Variants in ACAN observed in about 807,000 individuals in gnomAD.
The protein encoded by ACAN is aggrecan.
A neutral mutation model predicts 169.1 loss-of-function variants in ACAN; 47 were observed. The ratio of observed to expected loss-of-function variants is 0.28; its 90% CI spans 0.22 to 0.35. ACAN has a LOEUF of 0.35. Ranked by LOEUF, ACAN falls within the 10% of genes least tolerant of loss-of-function variation. ACAN has a pLI of 1.00. For synonymous variants in ACAN, 1,115 were observed against 1,112.2 expected (o/e 1.00, Z -0.05); for missense variants, 2,716 against 2,759.9 (o/e 0.98, Z 0.36).
At position 88,807,980 on chromosome 15, in the gene ACAN, G is replaced by T. The variant is rs567915322; in HGVS notation, c.-8+4171G>T. 6.6e-6 allele frequency among the ~76,000 whole-genome samples: 1 copy of T among 152,280 alleles called. No individual in the cohort carries two copies. Among genetic ancestry groups the T allele is most frequent in the East Asian group, 1.9e-4 (1 of 5,170 alleles). ...TGAGGTTACATGTTTTTCCTCTTAA[G>T]ATACACACTCAAAAAAGGAGCCACC... On this transcript the variant is annotated intron_variant, in intron 1 of 18. Transcript: ENST00000560601. This position sits in a 1 kb window ranked among gnomAD's most constrained non-coding sequence, Gnocchi z 4.0.
chr15:88,872,361 G>T lies in ACAN; in HGVS notation c.7302+276G>T, dbSNP rs1372783911. Among the ~76,000 whole-genome samples, 1 of 152,176 alleles carries T rather than the reference G, an allele frequency of 6.6e-6. No homozygotes were observed. Among genetic ancestry groups the T allele is most frequent in the African/African-American group, 2.4e-5 (1 of 41,438 alleles). ...AGGAGTATACGGAAGCTTTAGAGAGGTTTCTTGCCCACACTGAACTCGAGT... is the reference window on the plus strand; with the variant it reads ...AGGAGTATACGGAAGCTTTAGAGAGTTTTCTTGCCCACACTGAACTCGAGT... On this transcript the variant is annotated intron_variant, in intron 16 of 18. Coordinates refer to ENST00000560601, the MANE Select transcript of ACAN (RefSeq NM_001369268.1). The surrounding 1 kb of genome is among the most constrained non-coding windows in gnomAD (Gnocchi z 5.4).
In ACAN at chr15:88,868,133, T is replaced by C; in HGVS notation, c.6947-83T>C. On this transcript the variant is annotated intron_variant, in intron 13 of 18. Coordinates refer to ENST00000560601, the MANE Select transcript of ACAN (RefSeq NM_001369268.1). This position sits in a 1 kb window ranked among gnomAD's most constrained non-coding sequence, Gnocchi z 5.2. ...CCAGGGGTCTGGAGAGCAGCAGGAC[T>C]GGCCACTCAAAAGGAGGCCACAGTG... The C allele has an allele frequency of 1.5e-6, 1 of 660,030 alleles. No homozygotes were observed. 40.9% of individuals were successfully genotyped at this position (660,030 alleles called of 1,614,324 possible).
chr15:88,825,968 G>T (rs530372503), intron 1 of ACAN, among the ~76,000 whole-genome samples: 2 of 152,166 alleles, frequency 1.3e-5, no homozygotes, highest in African/African-American at 4.8e-5. Context: ...AAACAGCTCC[G>T]TGGGCTGATT....
intron 5 of ACAN, among the ~76,000 whole-genome samples, chr15:88,842,518 TCCCCC>T (rs1264867155): frequency 2.9e-5 from 1 of 34,760 alleles, no homozygotes; most frequent in Non-Finnish European, 8.1e-5. Context: ...CCATCCCCCC[TCCCCC>T]CTACCTGAGC....
At chr15:88,820,473 T>C (rs1326979340) in intron 1 of ACAN, among the ~76,000 whole-genome samples, 1 of 152,196 alleles carries the variant, frequency 6.6e-6, no homozygotes, top group Non-Finnish European at 1.5e-5. Context: ...AGCCCAATCT[T>C]GGAGGCCTCT....
rs551628218 is a variant in ACAN, at chr15:88,821,128, A to G, written c.-7-15072A>G. Among the ~76,000 whole-genome samples the G allele has an allele frequency of 1.1e-4, 16 of 152,288 alleles. 1 individual carries two copies. In the South Asian group the frequency reaches 1.7e-3, roughly 16 times the overall value. ...TACCTCCCACTGGGTCCCTCCCATG[A>G]TATATGGGAATTATGGGAACTACAA... On this transcript the variant is annotated intron_variant, in intron 1 of 18. Transcript: ENST00000560601.
In ACAN at chr15:88,845,421, C is replaced by T. The variant is rs532846621; in HGVS notation, c.1052-84C>T. 22 of 1,507,354 alleles carry T rather than the reference C, an allele frequency of 1.5e-5. No individual in the cohort carries two copies. The African/African-American group carries it at 2.4e-4, about 16-fold the overall frequency. The allele number at this position is 1,507,354 out of a possible 1,614,324, so 93.4% of individuals were successfully genotyped here. On this transcript the variant is annotated intron_variant, in intron 6 of 18. Coordinates refer to ENST00000560601, the MANE Select transcript of ACAN (RefSeq NM_001369268.1). Reference sequence around the variant, plus strand: ...GCCCCAGCAGGGAAGGAGGGGGAGCCATGCTCATCTCCAGCCCACTCCTCA... The same window carrying T: ...GCCCCAGCAGGGAAGGAGGGGGAGCTATGCTCATCTCCAGCCCACTCCTCA...
chr15:88,836,667 A>G (rs1459043924), intron 2 of ACAN, among the ~76,000 whole-genome samples: 1 of 152,236 alleles, frequency 6.6e-6, no homozygotes, highest in African/African-American at 2.4e-5. Context: ...CTGGAGCACC[A>G]AAGAAGAAAG....
At chr15:88,840,786 T>TAAG (rs1896632252) in intron 4 of ACAN, among the ~76,000 whole-genome samples, 1 of 136,338 alleles carries the variant, frequency 7.3e-6, no homozygotes, top group African/African-American at 2.6e-5. Context: ...ACTATAGCCA[T>TAAG]AAAAAAAAAA....
intron 1 of ACAN, among the ~76,000 whole-genome samples, chr15:88,822,856 G>C (rs1388645627): frequency 6.6e-6 from 1 of 152,144 alleles, no homozygotes; most frequent in Non-Finnish European, 1.5e-5. Context: ...CCTTTGACTA[G>C]ATCCAAGGAC....
chr15:88,844,603 C>T (rs1278900589), intron 6 of ACAN, among the ~76,000 whole-genome samples: 3 of 152,076 alleles, frequency 2.0e-5, no homozygotes, highest in East Asian at 1.9e-4. Flanking sequence ...GAACTCCTGA[C>T]CTCAGGTGAT....
chr15:88,822,986 T>C (rs1392955567), intron 1 of ACAN, among the ~76,000 whole-genome samples: 1 of 152,220 alleles, frequency 6.6e-6, no homozygotes, highest in Non-Finnish European at 1.5e-5. Flanking sequence ...AATTCAGCTA[T>C]AACTCCACAC....
intron 1 of ACAN, among the ~76,000 whole-genome samples, chr15:88,832,335 T>A (rs1404972133): frequency 6.8e-6 from 1 of 146,964 alleles, no homozygotes; most frequent in African/African-American, 2.5e-5. Context: ...AATGGCCAGG[T>A]ACCATGGCTC....
intron 1 of ACAN, among the ~76,000 whole-genome samples, chr15:88,824,456 G>C (rs1487004832): frequency 6.6e-6 from 1 of 152,176 alleles, no homozygotes; most frequent in Non-Finnish European, 1.5e-5. Context: ...TATGTGCCAA[G>C]CACTGTTCTA....
intron 6 of ACAN, 57 bp from the exon 7 acceptor site, chr15:88,845,448 C>G: frequency 3.9e-6 from 6 of 1,539,542 alleles, no homozygotes; most frequent in Non-Finnish European, 5.3e-6. Context: ...CACTCCTCAT[C>G]CCCCTCAAGC....
At position 88,866,332 on chromosome 15, in the gene ACAN, T is replaced by C. The variant is rs1897279895; in HGVS notation, c.6947-1884T>C. Among the ~76,000 whole-genome samples the C allele has an allele frequency of 6.6e-6, 1 of 152,178 alleles. No homozygotes were observed. The highest frequency in any genetic ancestry group is 2.1e-4 in the South Asian group (1 of 4,822). ...AGCACCTACATTTGCTTAATTCCCC[T>C]TGCCCAGTGCTTCCCATCTCCCATA... On this transcript the variant is annotated intron_variant, in intron 13 of 18. Coordinates refer to ENST00000560601, the MANE Select transcript of ACAN (RefSeq NM_001369268.1). This position sits in a 1 kb window ranked among gnomAD's most constrained non-coding sequence, Gnocchi z 5.6.
Position 88,843,324 on chromosome 15 carries a change from A to T in ACAN, c.758-31A>T, listed in dbSNP as rs779047978. 1 of 1,526,986 alleles carries T rather than the reference A, an allele frequency of 6.5e-7. No homozygotes were observed. Among genetic ancestry groups the T allele is most frequent in the Non-Finnish European group, 8.8e-7 (1 of 1,132,304 alleles). The allele number at this position is 1,526,986 out of a possible 1,614,324, so 94.6% of individuals were successfully genotyped here. A position where few individuals can be genotyped will look rare whatever the true frequency, so the allele number is the denominator to read the frequency against. On this transcript the variant is annotated intron_variant, in intron 5 of 18. Coordinates refer to ENST00000560601, the MANE Select transcript of ACAN (RefSeq NM_001369268.1). The surrounding 1 kb of genome is among the most constrained non-coding windows in gnomAD (Gnocchi z 4.0). ...GCAGAGCAGGGGGAGGGGGGAGAAG[A>T]CCCTTACCCAGCTGGCTGTGTCCTT...
In ACAN at chr15:88,849,117, G is replaced by T. The variant is rs1378472213; in HGVS notation, c.1733-321G>T. On this transcript the variant is annotated intron_variant, in intron 9 of 18. Transcript: ENST00000560601. The surrounding 1 kb of genome is among the most constrained non-coding windows in gnomAD (Gnocchi z 5.1). ...GCCAAGGGAGGGGGTGCCTAAGTGT[G>T]AGTGGAGAATCCAGAAAAGAGGGAC... Among the ~76,000 whole-genome samples, 1 of 152,232 alleles carries T rather than the reference G, an allele frequency of 6.6e-6. No individual in the cohort carries two copies. Among genetic ancestry groups the T allele is most frequent in the Non-Finnish European group, 1.5e-5 (1 of 68,044 alleles).
rs550714451 is a variant in ACAN at position 88,851,611 on chromosome 15, A to G, written c.2027-183A>G. 9.4e-6 allele frequency: 6 copies of G among 637,574 alleles called. No homozygotes were observed. Among genetic ancestry groups the G allele is most frequent in the Non-Finnish European group, 1.6e-5 (6 of 381,096 alleles). The allele number at this position is 637,574 out of a possible 1,614,324, so 39.5% of individuals were successfully genotyped here. On this transcript the variant is annotated intron_variant, in intron 10 of 18. Coordinates refer to ENST00000560601, the MANE Select transcript of ACAN (RefSeq NM_001369268.1). This position sits in a 1 kb window ranked among gnomAD's most constrained non-coding sequence, Gnocchi z 4.3. ...ACTGGAACTAAAGTGCTGATGGTGC[A>G]TATGGATATTATATCATTGGTGCCG... is the stretch of plus-strand genomic sequence containing the variant.
Sources: allele counts gnomAD v4.1 joint callset (sites outside exome capture counted in the v4.1 genomes callset), GRCh38; gene constraint gnomAD v4.1.1; non-coding constraint Gnocchi (gnomAD v3.1); transcripts MANE v1.5; gene names NCBI Gene and HGNC (gene_info 2026-07-23, HGNC 2026-07-21).